Variants in B3GALT1 observed in about 807,000 individuals in gnomAD.
The protein encoded by B3GALT1 is UDP-Gal:betaGlcNAc beta 1,3-galactosyltransferase, polypeptide 1.
B3GALT1 carries 10 observed loss-of-function variants against 23.2 expected under a neutral mutation model. The observed-to-expected ratio is 0.43, with a 90% CI of 0.27 to 0.73. B3GALT1 has a LOEUF of 0.73. B3GALT1 is among the 30% of genes least tolerant of loss of function. The pLI, the probability that B3GALT1 is intolerant of heterozygous loss-of-function variation, is 0.21. For missense variants in B3GALT1, 299 were observed against 405.4 expected, an observed-to-expected ratio of 0.74 and a Z score of 2.25; for synonymous variants, 156 against 141.5, an observed-to-expected ratio of 1.10 and a Z score of -0.73.
chr2:167,464,169 T>TC (rs1699308360), intron 1 of B3GALT1, among the ~76,000 whole-genome samples: 1 of 152,020 alleles, frequency 6.6e-6, no homozygotes, highest in African/African-American at 2.4e-5. Context: ...ATTTTTTTTT[T>TC]TTTTAAAAAA....
intron 4 of B3GALT1, among the ~76,000 whole-genome samples, chr2:167,866,841 AG>A (rs1690227881): frequency 1.3e-5 from 2 of 152,368 alleles, no homozygotes; most frequent in South Asian, 4.1e-4. Context: ...ACAATGGCAG[AG>A]AAAGTTTGCT....
At chr2:167,753,007 C>T (rs183453693) in intron 3 of B3GALT1, among the ~76,000 whole-genome samples, 28 of 152,210 alleles carry the variant, frequency 1.8e-4, no homozygotes, top group Admixed American at 1.8e-3. Context: ...AGAACATCTG[C>T]CTGTAGGTCC....
chr2:167,520,220 A>T (rs897648699), intron 2 of B3GALT1, among the ~76,000 whole-genome samples: 5 of 152,208 alleles, frequency 3.3e-5, no homozygotes, highest in African/African-American at 1.2e-4. Context: ...ATTTTAGTCC[A>T]TCCCTAAAGT....
chr2:167,312,071 T>C (rs1181850870), intron 1 of B3GALT1, among the ~76,000 whole-genome samples: 2 of 151,976 alleles, frequency 1.3e-5, no homozygotes, highest in Non-Finnish European at 2.9e-5. Flanking sequence ...GTTGACGGAT[T>C]TGGAAATGTT....
chr2:167,527,561 A>C (rs534879678), intron 2 of B3GALT1, among the ~76,000 whole-genome samples: 1 of 152,288 alleles, frequency 6.6e-6, no homozygotes, highest in East Asian at 1.9e-4. Flanking sequence ...AACTTTGACT[A>C]ATAATTTGAC....
chr2:167,841,030 TGGGGGGA>T (rs1178484080), intron 4 of B3GALT1, among the ~76,000 whole-genome samples: 3 of 70,116 alleles, frequency 4.3e-5, no homozygotes, highest in Admixed American at 4.5e-4. Flanking sequence ...TGTTGTGGGG[TGGGGGGA>T]GGGGGGAGGG....
At chr2:167,841,024 G>T (rs1471516927) in intron 4 of B3GALT1, among the ~76,000 whole-genome samples, 2 of 113,718 alleles carry the variant, frequency 1.8e-5, no homozygotes, top group African/African-American at 6.6e-5. Flanking sequence ...GGGGACTGTT[G>T]TGGGGTGGGG....
At chr2:167,850,322 T>C (rs1164122714) in intron 4 of B3GALT1, among the ~76,000 whole-genome samples, 1 of 152,154 alleles carries the variant, frequency 6.6e-6, no homozygotes, top group East Asian at 1.9e-4. Flanking sequence ...ATCAGGGAAA[T>C]GCAAATCAGA....
chr2:167,485,234 A>T (rs1168725475), intron 1 of B3GALT1, among the ~76,000 whole-genome samples: 2 of 152,180 alleles, frequency 1.3e-5, no homozygotes, highest in African/African-American at 4.8e-5. Context: ...AATGCTATTA[A>T]TGTGTACATT....
At chr2:167,425,579 G>A (rs1362420035) in intron 1 of B3GALT1, among the ~76,000 whole-genome samples, 1 of 152,216 alleles carries the variant, frequency 6.6e-6, no homozygotes. Flanking sequence ...GCAGACCACT[G>A]CCAGATTTGG....
At chr2:167,444,807 A>T (rs867068142) in intron 1 of B3GALT1, among the ~76,000 whole-genome samples, 4 of 151,954 alleles carry the variant, frequency 2.6e-5, no homozygotes, top group Admixed American at 6.6e-5. Context: ...TGATGTTTTG[A>T]AAAAACCAGC....
At chr2:167,507,828 A>G (rs1392011529) in intron 2 of B3GALT1, among the ~76,000 whole-genome samples, 1 of 152,194 alleles carries the variant, frequency 6.6e-6, no homozygotes, top group Non-Finnish European at 1.5e-5. Context: ...TTGTCTTACT[A>G]ATGACAAAAC....
At position 167,820,878 on chromosome 2, in the gene B3GALT1, ATGTT is replaced by A. The variant is rs144549426; in HGVS notation, c.-230+2091_-230+2094del. 9.7e-3 allele frequency among the ~76,000 whole-genome samples: 1,479 copies of A among 152,294 alleles called. 29 individuals are homozygous for A. The highest frequency in any genetic ancestry group is 0.034 in the African/African-American group (1,411 of 41,558). On this transcript the variant is annotated intron_variant, in intron 4 of 4. Coordinates refer to ENST00000392690, the MANE Select transcript of B3GALT1 (RefSeq NM_020981.4). Reference sequence around the variant, plus strand: ...AGGCTGCCTGCCTCAGGCTGTTCTGATGTTTGTTTATATTCCTGGCGATGCTTTA... The same window carrying A: ...AGGCTGCCTGCCTCAGGCTGTTCTGATGTTTATATTCCTGGCGATGCTTTA...
At chr2:167,590,098 G>A (rs1286295506) in intron 2 of B3GALT1, among the ~76,000 whole-genome samples, 1 of 152,116 alleles carries the variant, frequency 6.6e-6, no homozygotes, top group Non-Finnish European at 1.5e-5. Flanking sequence ...TGTAATCCCA[G>A]CATTTTGGGA....
At chr2:167,445,715 G>T (rs1282933503) in intron 1 of B3GALT1, among the ~76,000 whole-genome samples, 3 of 151,904 alleles carry the variant, frequency 2.0e-5, no homozygotes, top group African/African-American at 7.3e-5. Flanking sequence ...CAATTAACTT[G>T]GTAGATCTGC....
At chr2:167,640,896 A>C (rs1685640661) in intron 2 of B3GALT1, among the ~76,000 whole-genome samples, 1 of 152,114 alleles carries the variant, frequency 6.6e-6, no homozygotes, top group Non-Finnish European at 1.5e-5. Context: ...CATTCGGATA[A>C]ATTGTTGACT....
chr2:167,646,046 T>A (rs1397148522), intron 2 of B3GALT1, among the ~76,000 whole-genome samples: 1 of 152,164 alleles, frequency 6.6e-6, no homozygotes, highest in Non-Finnish European at 1.5e-5. Flanking sequence ...TTCTATACCT[T>A]TTCTGAAATC....
chr2:167,808,572 G>T (rs1403480729), intron 3 of B3GALT1, among the ~76,000 whole-genome samples: 2 of 151,888 alleles, frequency 1.3e-5, no homozygotes, highest in Admixed American at 1.3e-4. Flanking sequence ...TGAAATTCTG[G>T]GTTGAAAATT....
intron 1 of B3GALT1, among the ~76,000 whole-genome samples, chr2:167,396,186 T>C (rs932691305): frequency 6.6e-6 from 1 of 152,296 alleles, no homozygotes; most frequent in African/African-American, 2.4e-5. Context: ...TTATATCTAA[T>C]TGCTATTTTG....
Sources: gnomAD v4.1 joint callset for allele counts (sites outside exome capture counted in the v4.1 genomes callset) on GRCh38, gnomAD v4.1.1 for gene constraint, MANE v1.5 for transcripts, NCBI Gene and HGNC (gene_info 2026-07-23, HGNC 2026-07-21) for gene names.